The following SNTG2 variants were observed in gnomAD, a reference collection of about 807,000 sequenced individuals.
SNTG2 encodes gamma-2-syntrophin.
Under a neutral mutation model 70.9 loss-of-function variants are expected in SNTG2, and 74 were observed. The observed-to-expected ratio is 1.04, with a 90% confidence interval of 0.86 to 1.27. The LOEUF (loss-of-function observed/expected upper bound fraction) is 1.27, where lower values mean the gene tolerates loss of function less well. Among genes scored for constraint, SNTG2 ranks in the 50% most tolerant of loss-of-function variants. The pLI, the probability that SNTG2 is intolerant of heterozygous loss-of-function variation, is 0.00. For synonymous variants in SNTG2, 278 were observed against 273.8 expected, an observed-to-expected ratio of 1.02 and a Z score of -0.15; for missense variants, 717 against 690.7, an observed-to-expected ratio of 1.04 and a Z score of -0.43.
intron 10 of SNTG2, among the ~76,000 whole-genome samples, chr2:1,239,235 A>C (rs1280061519): frequency 6.6e-6 from 1 of 152,224 alleles, no homozygotes; most frequent in African/African-American, 2.4e-5. Context: ...CAGAACAGAA[A>C]TGTGGACTCT....
intron 14 of SNTG2, among the ~76,000 whole-genome samples, chr2:1,280,123 T>A (rs1358876482): frequency 6.6e-6 from 1 of 152,226 alleles, no homozygotes; most frequent in Non-Finnish European, 1.5e-5. Context: ...AAACCACTAT[T>A]GTTAATGAGT....
chr2:1,348,500 T>G (rs1239641468), intron 16 of SNTG2, among the ~76,000 whole-genome samples: 4 of 152,264 alleles, frequency 2.6e-5, no homozygotes, highest in Non-Finnish European at 4.4e-5. Context: ...AGACATTCCT[T>G]TCTATTGATC....
chr2:1,092,164 T>C (rs1335750979), intron 2 of SNTG2, among the ~76,000 whole-genome samples: 2 of 152,250 alleles, frequency 1.3e-5, no homozygotes, highest in African/African-American at 2.4e-5. Context: ...GTATCTTTCA[T>C]GTGTGGGTGT....
intron 1 of SNTG2, among the ~76,000 whole-genome samples, chr2:993,843 ATTAT>A (rs1329362448): frequency 6.6e-6 from 1 of 151,838 alleles, no homozygotes; most frequent in African/African-American, 2.4e-5. Context: ...TTTTAATTGG[ATTAT>A]TTATCTTTTT....
intron 6 of SNTG2, chr2:1,160,213 A>G (rs1377798601): frequency 6.6e-6 from 1 of 152,202 alleles, no homozygotes; most frequent in East Asian, 1.9e-4. Context: ...CATACATTGT[A>G]TATCTGATCA....
chr2:1,200,973 T>G (rs1161923132), intron 8 of SNTG2, among the ~76,000 whole-genome samples: 1 of 151,988 alleles, frequency 6.6e-6, no homozygotes, highest in Non-Finnish European at 1.5e-5. Flanking sequence ...ACAACCACTC[T>G]GGAAAACAGT....
intron 9 of SNTG2, among the ~76,000 whole-genome samples, chr2:1,230,683 A>G (rs901709288): frequency 6.6e-6 from 1 of 152,216 alleles, no homozygotes; most frequent in Non-Finnish European, 1.5e-5. Flanking sequence ...TACGGATAGC[A>G]CAGTGCCCTG....
intron 4 of SNTG2, among the ~76,000 whole-genome samples, chr2:1,119,310 T>C (rs1667234121): frequency 6.6e-6 from 1 of 152,158 alleles, no homozygotes; most frequent in Admixed American, 6.5e-5. Flanking sequence ...TAGAAAAGTG[T>C]AATCACTATC....
At chr2:1,048,609 G>A (rs1030117646) in intron 1 of SNTG2, among the ~76,000 whole-genome samples, 16 of 151,980 alleles carry the variant, frequency 1.1e-4, no homozygotes, top group East Asian at 3.9e-4. Context: ...ATGTGGTCTC[G>A]GTTGTAGTAG....
At chr2:1,152,553 T>C (rs1553339744) in intron 6 of SNTG2, among the ~76,000 whole-genome samples, 1 of 133,234 alleles carries the variant, frequency 7.5e-6, no homozygotes, top group Non-Finnish European at 1.7e-5. Flanking sequence ...CACACACGTA[T>C]GTTTCTAGGT....
At chr2:1,022,090 T>A (rs568217487) in intron 1 of SNTG2, among the ~76,000 whole-genome samples, 1 of 152,180 alleles carries the variant, frequency 6.6e-6, no homozygotes, top group Admixed American at 6.5e-5. Flanking sequence ...GTATGGAGGT[T>A]CCTCATAAAG....
intron 12 of SNTG2, among the ~76,000 whole-genome samples, chr2:1,255,988 G>A (rs1363566772): frequency 1.4e-5 from 2 of 146,374 alleles, no homozygotes; most frequent in Admixed American, 7.0e-5. Context: ...GTATAGCCAC[G>A]CATTGCTTAA....
At position 1,222,057 on chromosome 2, in the gene SNTG2, GTCTCTGTTTCTCTCTGTCTCTGTCTC is replaced by G. The variant is rs1675132186; in HGVS notation, c.719+12829_719+12854del. 1.9e-3 allele frequency among the ~76,000 whole-genome samples: 63 copies of G among 32,366 alleles called. 11 individuals carry two copies. The highest frequency in any genetic ancestry group is 3.7e-3 in the Admixed American group (11 of 2,966). The allele number at this position is 32,366 out of a possible 152,430, so 21.2% of individuals were successfully genotyped here. ...TCTCTGTCTCTCTCTGTCTCTCTCT[GTCTCTGTTTCTCTCTGTCTCTGTCTC>G]TGTCTCTCTCTGTCTCTCTCTGTCT... On this transcript the variant is annotated intron_variant, in intron 9 of 16. Transcript: ENST00000308624.
intron 9 of SNTG2, among the ~76,000 whole-genome samples, chr2:1,222,190 G>GT (rs1675279852): frequency 6.9e-6 from 1 of 145,140 alleles, no homozygotes; most frequent in Non-Finnish European, 1.5e-5. Context: ...TCCCTCTGCA[G>GT]CCTCTCAGTC....
At chr2:1,287,267 A>G (rs749046820) in intron 14 of SNTG2, among the ~76,000 whole-genome samples, 1 of 152,246 alleles carries the variant, frequency 6.6e-6, no homozygotes, top group Non-Finnish European at 1.5e-5. Flanking sequence ...TAATTTCTTT[A>G]GAGAAAAGCT....
At position 1,189,585 on chromosome 2, in the gene SNTG2, G is replaced by A. The variant is rs145673805; in HGVS notation, c.591+16402G>A. Among the ~76,000 whole-genome samples, 180 of 151,328 alleles carry A rather than the reference G, an allele frequency of 1.2e-3. 1 individual carries two copies. The Middle Eastern group carries it at 0.017, about 14-fold the overall frequency. On this transcript the variant is annotated intron_variant, in intron 8 of 16. Coordinates refer to ENST00000308624, the MANE Select transcript of SNTG2 (RefSeq NM_018968.4). ...CTAACTTTTTTTTTTTTGAGATGGAGTCTCGCTCTGTTGCCCAGGCTGGAG... is the reference window on the plus strand; with the variant it reads ...CTAACTTTTTTTTTTTTGAGATGGAATCTCGCTCTGTTGCCCAGGCTGGAG...
intron 1 of SNTG2, among the ~76,000 whole-genome samples, chr2:975,147 C>T (rs1660869144): frequency 1.3e-5 from 2 of 151,984 alleles, no homozygotes; most frequent in Non-Finnish European, 2.9e-5. Flanking sequence ...AATAACACCA[C>T]ACCCTTCCAC....
At chr2:1,295,378 G>C (rs1396770875) in intron 14 of SNTG2, among the ~76,000 whole-genome samples, 5 of 152,226 alleles carry the variant, frequency 3.3e-5, no homozygotes, top group Non-Finnish European at 5.9e-5. Flanking sequence ...TGTATAGGGA[G>C]AGTACCTTTT....
rs528149848 is a variant in SNTG2, at chr2:1,321,570, C to T, written c.1488+5195C>T. Reference sequence around the variant, plus strand: ...CAGGAGCACCGATCGATGCCCACAGCATTTATCACTGAAAAGACTGAATCG... The same window carrying T: ...CAGGAGCACCGATCGATGCCCACAGTATTTATCACTGAAAAGACTGAATCG... On this transcript the variant is annotated intron_variant, in intron 16 of 16. Transcript: ENST00000308624. Among the ~76,000 whole-genome samples the T allele has an allele frequency of 7.2e-5, 11 of 152,232 alleles. No individual in the cohort carries two copies. In the East Asian group the frequency reaches 2.1e-3, roughly 29 times the overall value.
Sources: allele counts gnomAD v4.1 joint callset (sites outside exome capture counted in the v4.1 genomes callset), GRCh38; gene constraint gnomAD v4.1.1; transcripts MANE v1.5; gene names NCBI Gene and HGNC (gene_info 2026-07-23, HGNC 2026-07-21).